The following PAPPA2 variants were observed in gnomAD, a reference collection of about 807,000 sequenced individuals.
PAPPA2 encodes pappalysin-2.
A neutral mutation model predicts 176.4 loss-of-function variants in PAPPA2; 86 were observed. The observed-to-expected ratio is 0.49, with a 90% CI of 0.41 to 0.58. The LOEUF is 0.58. PAPPA2 is among the 20% of genes least tolerant of loss of function. PAPPA2 has a pLI of 0.00. For missense variants in PAPPA2, 2,073 were observed against 2,256.9 expected (o/e 0.92, Z 1.65); for synonymous variants, 809 against 852.2 (o/e 0.95, Z 0.88).
intron 3 of PAPPA2, among the ~76,000 whole-genome samples, chr1:176,602,366 G>T (rs1654375563): frequency 6.6e-6 from 1 of 152,218 alleles, no homozygotes; most frequent in Non-Finnish European, 1.5e-5. Context: ...AGAGAGTGGA[G>T]TCTGCAGGTA....
chr1:176,594,352 G>A (rs989016202), intron 2 of PAPPA2, among the ~76,000 whole-genome samples, 172 bp from the exon 3 acceptor site: 8 of 152,170 alleles, frequency 5.3e-5, no homozygotes, highest in Non-Finnish European at 7.3e-5. Flanking sequence ...ATGCCAGAAC[G>A]GCCTGATATA....
Position 176,594,542 on chromosome 1 carries a change from C to T in PAPPA2, c.938C>T (p.Ser313Phe). Residue 313 changes from serine (S) to phenylalanine (F), a missense_variant, in exon 3 of 23, where the codon TCC becomes TTC. Ser to Phe is a radical substitution (Grantham distance 155, BLOSUM62 -2). Around this residue, in one of 4 missense-constraint regions of PAPPA2, gnomAD observed 1,196 missense variants for 1,330.4 expected, o/e 0.90. Transcript: ENST00000367662. The part of the protein sequence containing the change: ...AIIAGVFDNC[S>F]HTVSDKGWAL... ...TTCCCAGGTGTGTTTGATAACTGCT[C>T]CCACACTGTCAGTGACAAAGGCTGG... 3 of 1,613,878 alleles carry T rather than the reference C, an allele frequency of 1.9e-6. No individual in the cohort carries two copies. Among genetic ancestry groups the T allele is most frequent in the Non-Finnish European group, 2.5e-6 (3 of 1,179,878 alleles).
chr1:176,643,450 A>G (rs1299232043), intron 3 of PAPPA2, among the ~76,000 whole-genome samples: 3 of 151,508 alleles, frequency 2.0e-5, no homozygotes, highest in African/African-American at 7.3e-5. Flanking sequence ...TTAAAAATGT[A>G]AAAACCATTC....
chr1:176,664,288 T>G (rs1485441914), intron 3 of PAPPA2, among the ~76,000 whole-genome samples: 1 of 152,172 alleles, frequency 6.6e-6, no homozygotes, highest in Non-Finnish European at 1.5e-5. Context: ...CTGCATGCCT[T>G]TGTGGAAGTT....
At chr1:176,831,091 G>A (rs1424677144) in intron 21 of PAPPA2, among the ~76,000 whole-genome samples, 2 of 152,154 alleles carry the variant, frequency 1.3e-5, no homozygotes, top group Admixed American at 1.3e-4. Flanking sequence ...TTCGGTTTTT[G>A]TTTGTTTGTT....
intron 1 of PAPPA2, among the ~76,000 whole-genome samples, chr1:176,517,124 A>C (rs1648958540): frequency 6.6e-6 from 1 of 152,188 alleles, no homozygotes; most frequent in Admixed American, 6.6e-5. Context: ...AAACCAGGAA[A>C]AAATTTCCGT....
At position 176,595,472 on chromosome 1, in the gene PAPPA2, G is replaced by A. The variant is rs760380892; in HGVS notation, c.1868G>A (p.Arg623His). The A allele has an allele frequency of 5.8e-5, 93 of 1,614,066 alleles. 1 individual carries two copies. Among genetic ancestry groups the A allele is most frequent in the Middle Eastern group, 1.6e-4 (1 of 6,084 alleles). The change falls in exon 3 of 23, where the codon CGC becomes CAC. Residue 623 changes from arginine (R) to histidine (H), a missense_variant. By Grantham distance (29) the Arg-to-His change is conservative. Around this residue, in one of 4 missense-constraint regions of PAPPA2, gnomAD observed 1,196 missense variants for 1,330.4 expected, o/e 0.90. Transcript: ENST00000367662. ...RLQGRCYSWN[R>H]RDGLCHVECN... ...CAGGGCCGCTGCTACTCCTGGAACC[G>A]CAGGGATGGGCTCTGTCACGTGGAG...
Position 176,556,911 on chromosome 1 carries a change from C to T in PAPPA2, c.589C>T (p.Gln197Ter), listed in dbSNP as rs368574789. Residue 197 changes from glutamine (Q) to a stop codon, truncating the protein, a stop_gained, in exon 2 of 23, where the codon CAG becomes TAG. Transcript: ENST00000367662. LOFTEE classifies it high-confidence loss of function. ...AAGGAGGGGCTGGGCCAAGTCCAGGCAGCGTCGCCAAGTGTGGAAGAGGCG... is the reference window on the plus strand; with the variant it reads ...AAGGAGGGGCTGGGCCAAGTCCAGGTAGCGTCGCCAAGTGTGGAAGAGGCG... ...TQRRGWAKSRQRRQVWKRRAE... is the reference protein window; with the variant it reads ...TQRRGWAKSR 1 of 1,614,180 alleles carries T rather than the reference C, an allele frequency of 6.2e-7. No homozygotes were observed.
intron 14 of PAPPA2, among the ~76,000 whole-genome samples, chr1:176,755,018 T>C (rs1663351175): frequency 6.6e-6 from 1 of 152,184 alleles, no homozygotes; most frequent in South Asian, 2.1e-4. Context: ...GTCTCTTCCC[T>C]TCCTCAACCC....
intron 1 of PAPPA2, chr1:176,537,209 C>T (rs543075976): frequency 6.6e-6 from 1 of 152,166 alleles, no homozygotes; most frequent in Non-Finnish European, 1.5e-5. Context: ...ATTTTGTACT[C>T]TAATTGCTCC....
At chr1:176,726,069 C>T (rs1316036735) in intron 12 of PAPPA2, among the ~76,000 whole-genome samples, 6 of 152,188 alleles carry the variant, frequency 3.9e-5, no homozygotes, top group African/African-American at 1.2e-4. Flanking sequence ...CGTGAGCCAC[C>T]GCGCCCGGCC....
intron 3 of PAPPA2, among the ~76,000 whole-genome samples, chr1:176,613,979 A>C (rs912771096): frequency 7.2e-5 from 11 of 152,166 alleles, no homozygotes; most frequent in South Asian, 6.2e-4. Context: ...AAAAAGAACA[A>C]AGAACTATAT....
chr1:176,666,594 TGTGTGTGTGTGTGTGA>T (rs1658658280), intron 3 of PAPPA2, among the ~76,000 whole-genome samples: 1 of 143,696 alleles, frequency 7.0e-6, no homozygotes, highest in South Asian at 2.2e-4. Context: ...TGTGTGTGTG[TGTGTGTGTGTGTGTGA>T]GAGAGAGAGA....
intron 4 of PAPPA2, among the ~76,000 whole-genome samples, chr1:176,677,959 T>C (rs1253639428): frequency 6.6e-6 from 1 of 152,206 alleles, no homozygotes; most frequent in East Asian, 1.9e-4. Context: ...GCAACATACA[T>C]GAAGTTAGGC....
In PAPPA2 at chr1:176,513,682, G is replaced by A. The variant is rs532138769; in HGVS notation, c.-916-41725G>A. 3.9e-5 allele frequency among the ~76,000 whole-genome samples: 6 copies of A among 152,262 alleles called. No individual in the cohort carries two copies. The East Asian group carries it at 1.2e-3, about 29-fold the overall frequency. ...CTCAATTTCCTTATTTGTAAAATGAGAGAGTTGAATTCTATGATCTCTTCT... is the reference window on the plus strand; with the variant it reads ...CTCAATTTCCTTATTTGTAAAATGAAAGAGTTGAATTCTATGATCTCTTCT... On this transcript the variant is annotated intron_variant, in intron 1 of 22. Coordinates refer to ENST00000367662, the MANE Select transcript of PAPPA2 (RefSeq NM_020318.3).
At chr1:176,731,498 G>T (rs1662139453) in intron 12 of PAPPA2, among the ~76,000 whole-genome samples, 2 of 151,826 alleles carry the variant, frequency 1.3e-5, no homozygotes, top group Non-Finnish European at 2.9e-5. Flanking sequence ...TTTCAGTAGA[G>T]ACGGGGTTTC....
At chr1:176,492,608 G>A (rs1254993638) in intron 1 of PAPPA2, among the ~76,000 whole-genome samples, 1 of 152,162 alleles carries the variant, frequency 6.6e-6, no homozygotes, top group Non-Finnish European at 1.5e-5. Flanking sequence ...GTAGCTCCTT[G>A]GAGGAGTGTG....
chr1:176,821,825 G>T (rs781745870), intron 21 of PAPPA2, among the ~76,000 whole-genome samples: 2 of 152,140 alleles, frequency 1.3e-5, no homozygotes, highest in African/African-American at 2.4e-5. Context: ...GCAAAGGAAG[G>T]GTGAGTAAAA....
At chr1:176,769,193 C>T (rs1664109275) in intron 15 of PAPPA2, among the ~76,000 whole-genome samples, 1 of 152,322 alleles carries the variant, frequency 6.6e-6, no homozygotes. Context: ...GCACCCTGGC[C>T]TCCCTCTTCT....
Sources: allele counts gnomAD v4.1 joint callset (sites outside exome capture counted in the v4.1 genomes callset), GRCh38; gene constraint gnomAD v4.1.1; regional missense constraint gnomAD v4.1.1; transcripts MANE v1.5; gene names NCBI Gene and HGNC (gene_info 2026-07-23, HGNC 2026-07-21).